The following PTCHD1 variants were observed in gnomAD, a reference collection of about 807,000 sequenced individuals.
PTCHD1 encodes patched domain containing 1.
In PTCHD1, 3 loss-of-function variants were observed where a neutral mutation model predicts 34.6. The ratio of observed to expected loss-of-function variants is 0.09; its 90% CI spans 0.04 to 0.22. PTCHD1 has a LOEUF of 0.22. Ranked by LOEUF, PTCHD1 falls within the 10% of genes least tolerant of loss-of-function variation. PTCHD1 has a pLI of 1.00. For missense variants in PTCHD1, 504 were observed against 685.5 expected, an observed-to-expected ratio of 0.74 and a Z score of 2.96; for synonymous variants, 305 against 283.1, an observed-to-expected ratio of 1.08 and a Z score of -0.77.
At chrX:23,385,125 G>A (rs1292589972) in intron 2 of PTCHD1, among the ~76,000 whole-genome samples, 1 of 111,217 alleles carries the variant, frequency 9.0e-6, no homozygotes, top group Non-Finnish European at 1.9e-5. Flanking sequence ...TCCAAAGTTT[G>A]TCTCTCGAAT....
At chrX:23,358,564 T>A (rs936599077) in intron 1 of PTCHD1, among the ~76,000 whole-genome samples, 1 of 111,964 alleles carries the variant, frequency 8.9e-6, no homozygotes, top group Non-Finnish European at 1.9e-5. Flanking sequence ...GTCAGATGGG[T>A]AAATTGCAAA....
Position 23,379,761 on chromosome X carries a change from A to G in PTCHD1, c.522A>G (p.Thr174=). The G allele has an allele frequency of 8.3e-7, 1 of 1,211,557 alleles. No individual in the cohort carries two copies. Among genetic ancestry groups the G allele is most frequent in the Non-Finnish European group, 1.1e-6 (1 of 895,486 alleles). ...RATNRTNFAI[T]YPITHLKDGR... The stretch of plus-strand genomic sequence containing the variant: ...CCAATCGGACCAATTTTGCTATCAC[A>G]TACCCAATCACTCACTTAAAGGACG... Residue 174 remains threonine (T), a synonymous_variant, in exon 2 of 3, where the codon ACA becomes ACG. Transcript: ENST00000379361.
At chrX:23,339,217 A>G (rs745525396) in intron 1 of PTCHD1, among the ~76,000 whole-genome samples, 1 of 112,580 alleles carries the variant, frequency 8.9e-6, no homozygotes, top group African/African-American at 3.2e-5. Context: ...ATGTATTTAC[A>G]TAGTGAAATT....
chrX:23,348,798 G>T (rs1242018534), intron 1 of PTCHD1, among the ~76,000 whole-genome samples: 1 of 111,766 alleles, frequency 8.9e-6, no homozygotes, highest in Non-Finnish European at 1.9e-5. Context: ...ATAAGAAGTT[G>T]TTTAAGAAAA....
At chrX:23,376,107 G>A (rs917596964) in intron 1 of PTCHD1, among the ~76,000 whole-genome samples, 2 of 111,763 alleles carry the variant, frequency 1.8e-5, no homozygotes, top group East Asian at 2.8e-4. Flanking sequence ...TTTTCCACGC[G>A]CGAGTGCAAG....
chrX:23,390,343 A>AC (rs1297928390), intron 2 of PTCHD1, among the ~76,000 whole-genome samples: 2 of 109,529 alleles, frequency 1.8e-5, no homozygotes, highest in East Asian at 5.6e-4. Context: ...AAAAAAAAAA[A>AC]AACAAAAAAA....
At chrX:23,389,286 G>A (rs934620573) in intron 2 of PTCHD1, among the ~76,000 whole-genome samples, 1 of 111,671 alleles carries the variant, frequency 9.0e-6, no homozygotes, top group Non-Finnish European at 1.9e-5. Context: ...AGTCCTCACC[G>A]ATGGCCTTTC....
At chrX:23,374,306 AAAAC>A (rs144717600) in intron 1 of PTCHD1, among the ~76,000 whole-genome samples, 13,593 of 76,895 alleles carry the variant, frequency 0.18, 2,006 homozygotes, top group African/African-American at 0.22. Context: ...AAAAAAAAAA[AAAAC>A]CCAAAACCCT....
intron 2 of PTCHD1, among the ~76,000 whole-genome samples, chrX:23,390,751 G>C (rs1483051280): frequency 1.8e-5 from 2 of 111,908 alleles, no homozygotes; most frequent in African/African-American, 6.5e-5. Flanking sequence ...TATGAGGCCA[G>C]GACTTCACAA....
chrX:23,392,074 CTT>C (rs763041195), intron 2 of PTCHD1, among the ~76,000 whole-genome samples: 1 of 52,354 alleles, frequency 1.9e-5, no homozygotes, highest in Non-Finnish European at 3.0e-5. Flanking sequence ...TTCTTTCTTT[CTT>C]TTTTTTTTTT....
Position 23,334,898 on chromosome X carries a change from G to T in PTCHD1, c.23G>T (p.Arg8Met). 1.7e-6 allele frequency: 2 copies of T among 1,199,625 alleles called. No individual in the cohort carries two copies. The highest frequency in any genetic ancestry group is 3.5e-5 in the African/African-American group (2 of 57,392). Reference protein sequence around the residue: MLRQVLHRGLRTCFSRLG... With the variant: MLRQVLHMGLRTCFSRLG... ...AGGATGCTGCGGCAGGTTCTGCACAGGGGCTTGAGGACGTGTTTCTCCCGG... is the reference window on the plus strand; with the variant it reads ...AGGATGCTGCGGCAGGTTCTGCACATGGGCTTGAGGACGTGTTTCTCCCGG... The change falls in exon 1 of 3, where the codon AGG (arginine) becomes ATG (methionine). Residue 8 changes from arginine to methionine, a missense_variant. Physicochemically the swap from Arg to Met is moderately conservative, Grantham distance 91 (BLOSUM62 -1). Transcript: ENST00000379361.
Position 23,342,302 on chromosome X carries a change from ATATATATATTTTTTTT to A in PTCHD1, c.351+7078_351+7093del, listed in dbSNP as rs1458527917. Among the ~76,000 whole-genome samples, 3 of 10,018 alleles carry A rather than the reference ATATATATATTTTTTTT, an allele frequency of 3.0e-4. No individual in the cohort carries two copies. In the African/African-American group the frequency reaches 5.1e-3, roughly 17 times the overall value. The allele number at this position is 10,018 out of a possible 115,157, so 8.7% of individuals were successfully genotyped here. The stretch of plus-strand genomic sequence containing the variant: ...TATATATATATATATATATATATAT[ATATATATATTTTTTTT>A]TTTTTTTTTTTTTTAAAAGAATTGG... On this transcript the variant is annotated intron_variant, in intron 1 of 2. Coordinates refer to ENST00000379361, the MANE Select transcript of PTCHD1 (RefSeq NM_173495.3).
chrX:23,345,072 G>A (rs901068051), intron 1 of PTCHD1, among the ~76,000 whole-genome samples: 5 of 111,852 alleles, frequency 4.5e-5, no homozygotes, highest in African/African-American at 1.6e-4. Context: ...GGAATGTTGC[G>A]AAATTTTGCA....
intron 1 of PTCHD1, among the ~76,000 whole-genome samples, chrX:23,366,358 AGTCT>A (rs1425054607): frequency 8.9e-6 from 1 of 112,112 alleles, no homozygotes; most frequent in Non-Finnish European, 1.9e-5. Flanking sequence ...CACAGGACAA[AGTCT>A]GTCTTCCAAG....
intron 2 of PTCHD1, among the ~76,000 whole-genome samples, chrX:23,389,910 T>TTCC (rs1229272435): frequency 8.9e-6 from 1 of 112,219 alleles, no homozygotes; most frequent in African/African-American, 3.2e-5. Context: ...AACAGCCTAC[T>TTCC]TCCACCTTTC....
chrX:23,362,458 C>A (rs1431181633), intron 1 of PTCHD1, among the ~76,000 whole-genome samples: 1 of 112,153 alleles, frequency 8.9e-6, no homozygotes, highest in Non-Finnish European at 1.9e-5. Flanking sequence ...GAAGCTTGGA[C>A]ATGGTTTTCA....
At chrX:23,365,290 T>C (rs1316048609) in intron 1 of PTCHD1, among the ~76,000 whole-genome samples, 2 of 112,088 alleles carry the variant, frequency 1.8e-5, no homozygotes, top group East Asian at 5.6e-4. Context: ...TGTTCAAATA[T>C]GGCTGTGTGA....
intron 1 of PTCHD1, among the ~76,000 whole-genome samples, chrX:23,341,638 C>T (rs990129875): frequency 2.7e-5 from 3 of 112,266 alleles, no homozygotes; most frequent in Non-Finnish European, 5.6e-5. Flanking sequence ...ACAGAACTAC[C>T]GAGGAATCCT....
chrX:23,348,523 C>A (rs1569133317), intron 1 of PTCHD1, among the ~76,000 whole-genome samples: 1 of 110,635 alleles, frequency 9.0e-6, no homozygotes, highest in Non-Finnish European at 1.9e-5. Context: ...AAACCAAAGA[C>A]AAAGAGGAAA....
Sources: gnomAD v4.1 joint callset for allele counts (sites outside exome capture counted in the v4.1 genomes callset) on GRCh38, gnomAD v4.1.1 for gene constraint, MANE v1.5 for transcripts, NCBI Gene and HGNC (gene_info 2026-07-23, HGNC 2026-07-21) for gene names.